The following PDE10A variants were observed in gnomAD, a reference collection of about 807,000 sequenced individuals.
PDE10A encodes the protein cAMP and cAMP-inhibited cGMP 3',5'-cyclic phosphodiesterase 10A.
Under a neutral mutation model 97.7 loss-of-function variants are expected in PDE10A, and 39 were observed. That is an observed-to-expected ratio of 0.40 (90% confidence interval 0.31 to 0.52). PDE10A has a LOEUF of 0.52. Ranked by LOEUF, PDE10A falls within the 20% of genes least tolerant of loss-of-function variation. The pLI, the probability that PDE10A is intolerant of heterozygous loss-of-function variation, is 0.56. For synonymous variants in PDE10A, 371 were observed against 376.8 expected (o/e 0.98, Z 0.18); for missense variants, 731 against 1,047.8 (o/e 0.70, Z 4.17).
In PDE10A at chr6:165,678,867, C is replaced by G. The variant is rs114208908; in HGVS notation, c.-614-135299G>C. On this transcript the variant is annotated intron_variant, in intron 1 of 19. Coordinates refer to the PDE10A transcript ENST00000366882. ...AACAGCCACCAAATCAACTGTCATC[C>G]AGCAAGGATCTCTGCTCTCTTTGCT... Among the ~76,000 whole-genome samples the G allele has an allele frequency of 7.2e-3, 1,091 of 152,338 alleles. 8 individuals are homozygous for G. The highest frequency in any genetic ancestry group is 0.025 in the African/African-American group (1,028 of 41,572).
chr6:165,651,454 C>T (rs1342705937), intron 1 of PDE10A, among the ~76,000 whole-genome samples: 3 of 152,152 alleles, frequency 2.0e-5, no homozygotes, highest in African/African-American at 7.2e-5. Flanking sequence ...TTCTCTAGGG[C>T]CACAATTCAA....
intron 20 of PDE10A, among the ~76,000 whole-genome samples, chr6:165,338,004 C>T (rs977797134): frequency 6.6e-6 from 1 of 152,086 alleles, no homozygotes; most frequent in Admixed American, 6.5e-5. Flanking sequence ...AAGCAGACAC[C>T]GAACAGGAAT....
chr6:165,507,125 T>C (rs1450912869), intron 2 of PDE10A, among the ~76,000 whole-genome samples: 1 of 152,126 alleles, frequency 6.6e-6, no homozygotes, highest in Non-Finnish European at 1.5e-5. Context: ...TGTACTTGTG[T>C]TTCATGCTGG....
intron 1 of PDE10A, among the ~76,000 whole-genome samples, chr6:165,979,970 C>T (rs1473934616): frequency 6.6e-6 from 1 of 152,174 alleles, no homozygotes; most frequent in African/African-American, 2.4e-5. Context: ...GTTTATTCTA[C>T]AGCAAAATCA....
chr6:165,953,452 G>A (rs1184996401), intron 1 of PDE10A, among the ~76,000 whole-genome samples: 1 of 152,076 alleles, frequency 6.6e-6, no homozygotes, highest in Non-Finnish European at 1.5e-5. Context: ...TTAGCCGGGT[G>A]TGGTGGCGCA....
rs1341984602 is a variant in PDE10A at position 165,822,435 on chromosome 6, C to A, written c.-615+165094G>T. 2.7e-5 allele frequency among the ~76,000 whole-genome samples: 4 copies of A among 150,804 alleles called. No individual in the cohort carries two copies. The East Asian group carries it at 5.9e-4, about 22-fold the overall frequency. On this transcript the variant is annotated intron_variant, in intron 1 of 19. Coordinates refer to the PDE10A transcript ENST00000366882. ...ACACACACCTGGATGGCACAGTCCA[C>A]CACACACCTGGGCTGGATGGCACAG...
In PDE10A at chr6:165,672,017, C is replaced by T. The variant is rs367856343; in HGVS notation, c.-614-128449G>A. Among the ~76,000 whole-genome samples, 141 of 152,266 alleles carry T rather than the reference C, an allele frequency of 9.3e-4. No homozygotes were observed. In the Middle Eastern group the frequency reaches 0.02, roughly 22 times the overall value. Reference sequence around the variant, plus strand: ...AAAATACTGGTGAAGTCTTATCTTACGTTTTTGAAATCTGATTTAAGCAAA... The same window carrying T: ...AAAATACTGGTGAAGTCTTATCTTATGTTTTTGAAATCTGATTTAAGCAAA... On this transcript the variant is annotated intron_variant, in intron 1 of 19. Coordinates refer to the PDE10A transcript ENST00000366882.
intron 1 of PDE10A, among the ~76,000 whole-genome samples, chr6:165,629,142 T>C (rs1274933850): frequency 6.6e-6 from 1 of 152,050 alleles, no homozygotes; most frequent in African/African-American, 2.4e-5. Flanking sequence ...AGTTCCTAAG[T>C]GTTGGAAAAG....
chr6:165,501,886 T>C (rs930163381), intron 2 of PDE10A, among the ~76,000 whole-genome samples: 6 of 152,232 alleles, frequency 3.9e-5, no homozygotes, highest in African/African-American at 1.4e-4. Context: ...TTATGCTACA[T>C]TCCAAGACTT....
At chr6:165,546,351 C>T (rs1783738816) in intron 1 of PDE10A, among the ~76,000 whole-genome samples, 1 of 151,936 alleles carries the variant, frequency 6.6e-6, no homozygotes, top group African/African-American at 2.4e-5. Flanking sequence ...GAATACATGA[C>T]ACTATGAATT....
intron 1 of PDE10A, among the ~76,000 whole-genome samples, chr6:165,818,605 G>A (rs1195288916): frequency 6.6e-6 from 1 of 152,154 alleles, no homozygotes; most frequent in African/African-American, 2.4e-5. Flanking sequence ...GTTTGCCTGT[G>A]GGAAATGGGA....
intron 1 of PDE10A, among the ~76,000 whole-genome samples, chr6:165,788,682 G>A (rs1778564919): frequency 6.6e-6 from 1 of 152,054 alleles, no homozygotes; most frequent in South Asian, 2.1e-4. Flanking sequence ...CATCCTTGAA[G>A]AAAGAATTCA....
chr6:165,490,318 G>C (rs911235850), intron 2 of PDE10A, among the ~76,000 whole-genome samples: 2 of 152,250 alleles, frequency 1.3e-5, no homozygotes, highest in East Asian at 3.9e-4. Flanking sequence ...ACAATTATCA[G>C]CCAAGAATTT....
intron 1 of PDE10A, among the ~76,000 whole-genome samples, chr6:165,895,133 T>C (rs1398408368): frequency 6.6e-6 from 1 of 152,214 alleles, no homozygotes; most frequent in Non-Finnish European, 1.5e-5. Context: ...GGTTGAATTT[T>C]GTCCCTGTAA....
In PDE10A at chr6:165,589,506, T is replaced by TA. The variant is rs1786122454; in HGVS notation, c.866-45939_866-45938insT. On this transcript the variant is annotated intron_variant, in intron 1 of 21. Coordinates refer to ENST00000539869, the MANE Select transcript of PDE10A (RefSeq NM_001385079.1). The stretch of plus-strand genomic sequence containing the variant: ...AAATGAAAATGAACACTAGAACCTT[T>TA]TTTTAAACTTTGAAAATCAAGTTAA... 3.3e-5 allele frequency among the ~76,000 whole-genome samples: 5 copies of TA among 152,358 alleles called. 1 individual carries two copies. Among genetic ancestry groups the TA allele is most frequent in the Admixed American group, 3.3e-4 (5 of 15,302 alleles).
At position 165,911,984 on chromosome 6, in the gene PDE10A, A is replaced by AAT. The variant is rs138188072; in HGVS notation, c.-615+75543_-615+75544dup. On this transcript the variant is annotated intron_variant, in intron 1 of 19. Coordinates refer to the PDE10A transcript ENST00000366882. ...AAGAATCTATAGAGAGGGAAGTCTA[A>AAT]ATATATATATATATATATCTTTCTC... Among the ~76,000 whole-genome samples, 681 of 147,876 alleles carry AAT rather than the reference A, an allele frequency of 4.6e-3. 5 individuals are homozygous for AAT. The highest frequency in any genetic ancestry group is 6.2e-3 in the African/African-American group (252 of 40,502).
chr6:165,742,621 A>G (rs1242561173), intron 1 of PDE10A, among the ~76,000 whole-genome samples: 1 of 152,168 alleles, frequency 6.6e-6, no homozygotes, highest in Non-Finnish European at 1.5e-5. Context: ...AATCGAGTGT[A>G]TCTAATGAGG....
At chr6:165,438,963 A>C (rs1488039829) in intron 5 of PDE10A, among the ~76,000 whole-genome samples, 1 of 151,932 alleles carries the variant, frequency 6.6e-6, no homozygotes, top group African/African-American at 2.4e-5. Flanking sequence ...GCTTAAAAAA[A>C]AAAAAAAAAA....
At chr6:165,597,694 T>TA (rs962745320) in intron 1 of PDE10A, among the ~76,000 whole-genome samples, 7 of 152,228 alleles carry the variant, frequency 4.6e-5, no homozygotes, top group African/African-American at 1.7e-4. Flanking sequence ...ATGTTCCAGT[T>TA]AGTTCTTTTC....
Sources: gnomAD v4.1 joint callset for allele counts (sites outside exome capture counted in the v4.1 genomes callset) on GRCh38, gnomAD v4.1.1 for gene constraint, MANE v1.5 for transcripts, NCBI Gene and HGNC (gene_info 2026-07-23, HGNC 2026-07-21) for gene names.